The following AUTS2 variants were observed in gnomAD, a reference collection of about 807,000 sequenced individuals.
AUTS2 encodes the protein activator of transcription and developmental regulator AUTS2.
In AUTS2, 17 loss-of-function variants were observed where a neutral mutation model predicts 112.4. The ratio of observed to expected loss-of-function variants is 0.15; its 90% confidence interval spans 0.10 to 0.23. The LOEUF (loss-of-function observed/expected upper bound fraction) is 0.23, where lower values mean the gene tolerates loss of function less well. Among genes scored for constraint, AUTS2 ranks in the 10% least tolerant of loss-of-function variants. The pLI is 1.00. For missense variants in AUTS2, 1,510 were observed against 1,701.6 expected (o/e 0.89, Z 1.98); for synonymous variants, 751 against 702.7 (o/e 1.07, Z -1.09).
intron 1 of AUTS2, among the ~76,000 whole-genome samples, chr7:69,659,464 T>C (rs544855616): frequency 6.6e-6 from 1 of 152,006 alleles, no homozygotes; most frequent in East Asian, 1.9e-4. Flanking sequence ...TTTTTTTTTT[T>C]TTTCAAAACG....
intron 5 of AUTS2, among the ~76,000 whole-genome samples, chr7:70,524,736 A>C (rs1378902043): frequency 6.6e-6 from 1 of 152,180 alleles, no homozygotes; most frequent in African/African-American, 2.4e-5. Flanking sequence ...TAATCCCCTG[A>C]AGTCCCTTTA....
At chr7:70,357,639 C>T (rs542874526) in intron 4 of AUTS2, among the ~76,000 whole-genome samples, 4 of 152,282 alleles carry the variant, frequency 2.6e-5, no homozygotes, top group East Asian at 1.9e-4. Context: ...TACCTGTAAA[C>T]GCACGGCCTT....
intron 4 of AUTS2, among the ~76,000 whole-genome samples, chr7:70,223,550 TATA>T (rs1186029760): frequency 6.6e-6 from 1 of 152,270 alleles, no homozygotes; most frequent in Admixed American, 6.5e-5. Flanking sequence ...ATATACGGTA[TATA>T]ATACTTGATA....
At chr7:69,615,819 C>T (rs1793342828) in intron 1 of AUTS2, among the ~76,000 whole-genome samples, 1 of 152,214 alleles carries the variant, frequency 6.6e-6, no homozygotes, top group Non-Finnish European at 1.5e-5. Context: ...TTTGTCATTA[C>T]TTCCATCTTC....
At chr7:70,549,363 T>C (rs1800925902) in intron 5 of AUTS2, among the ~76,000 whole-genome samples, 1 of 152,200 alleles carries the variant, frequency 6.6e-6, no homozygotes, top group Non-Finnish European at 1.5e-5. Context: ...TTTCTTTTTC[T>C]TGCCTGATAC....
intron 1 of AUTS2, among the ~76,000 whole-genome samples, chr7:69,811,160 A>T (rs1156990879): frequency 6.6e-6 from 1 of 152,128 alleles, no homozygotes; most frequent in East Asian, 1.9e-4. Context: ...ACCTTCATAA[A>T]AGAGGAATCT....
intron 2 of AUTS2, among the ~76,000 whole-genome samples, chr7:70,091,723 CT>C (rs1385227339): frequency 1.3e-5 from 2 of 152,096 alleles, no homozygotes; most frequent in African/African-American, 2.4e-5. Flanking sequence ...AATGGTGGCC[CT>C]TCTGGGTCCT....
chr7:69,784,074 GC>G (rs1339564595), intron 1 of AUTS2, among the ~76,000 whole-genome samples: 3 of 152,152 alleles, frequency 2.0e-5, no homozygotes, highest in Non-Finnish European at 2.9e-5. Context: ...AGGGTGAGTA[GC>G]CATTAAACTA....
At chr7:69,998,483 G>A (rs1011347126) in intron 2 of AUTS2, among the ~76,000 whole-genome samples, 12 of 152,174 alleles carry the variant, frequency 7.9e-5, no homozygotes, top group Non-Finnish European at 1.3e-4. Flanking sequence ...TCATGTATCT[G>A]AGCAAGTTGC....
At chr7:70,014,532 A>G (rs1799944254) in intron 2 of AUTS2, among the ~76,000 whole-genome samples, 1 of 152,178 alleles carries the variant, frequency 6.6e-6, no homozygotes, top group Non-Finnish European at 1.5e-5. Context: ...TTCAATGTTA[A>G]TGTCTAGTTT....
chr7:69,997,773 C>T (rs1309467283), intron 2 of AUTS2, among the ~76,000 whole-genome samples: 1 of 152,140 alleles, frequency 6.6e-6, no homozygotes, highest in African/African-American at 2.4e-5. Context: ...GGCCCAAACA[C>T]CTCCCTATGC....
At chr7:70,384,981 C>A (rs1793543088) in intron 4 of AUTS2, among the ~76,000 whole-genome samples, 1 of 152,188 alleles carries the variant, frequency 6.6e-6, no homozygotes, top group Non-Finnish European at 1.5e-5. Flanking sequence ...AAGTCTGGCA[C>A]AGCCCTGGTC....
chr7:70,735,896 G>T (rs934220790), intron 6 of AUTS2, among the ~76,000 whole-genome samples: 1 of 152,164 alleles, frequency 6.6e-6, no homozygotes, highest in Non-Finnish European at 1.5e-5. Context: ...GCTAGGTATT[G>T]AAGTTTATCC....
rs770950967 is a variant in AUTS2, at chr7:70,652,316, G to A, written c.691-46253G>A. Reference sequence around the variant, plus strand: ...GCCTTCCTTCTTCTCTATTTGATTCGTCCTACTTAACACCAGCAAAAGTAC... The same window carrying A: ...GCCTTCCTTCTTCTCTATTTGATTCATCCTACTTAACACCAGCAAAAGTAC... On this transcript the variant is annotated intron_variant, in intron 5 of 18. Transcript: ENST00000342771. Among the ~76,000 whole-genome samples the A allele has an allele frequency of 3.6e-4, 55 of 151,572 alleles. 1 individual carries two copies. The highest frequency in any genetic ancestry group is 5.2e-4 in the Non-Finnish European group (35 of 67,952).
chr7:70,745,920 A>T (rs1001567124), intron 6 of AUTS2, among the ~76,000 whole-genome samples: 1 of 152,192 alleles, frequency 6.6e-6, no homozygotes. Flanking sequence ...GTAATTGTTT[A>T]TTGAGTATTT....
At chr7:70,142,061 C>T (rs1247365729) in intron 4 of AUTS2, among the ~76,000 whole-genome samples, 9 of 152,274 alleles carry the variant, frequency 5.9e-5, no homozygotes, top group Admixed American at 3.9e-4. Context: ...CTTTCATTTT[C>T]TCAACATTTA....
chr7:69,842,386 T>C (rs1792019714), intron 1 of AUTS2, among the ~76,000 whole-genome samples: 2 of 152,212 alleles, frequency 1.3e-5, no homozygotes, highest in Admixed American at 1.3e-4. Context: ...ACATTGTGTG[T>C]TGACGCTTTT....
At chr7:69,842,475 G>A (rs1475360590) in intron 1 of AUTS2, among the ~76,000 whole-genome samples, 1 of 152,204 alleles carries the variant, frequency 6.6e-6, no homozygotes, top group African/African-American at 2.4e-5. Context: ...GAAGTCTCCT[G>A]TAGCTTATTC....
At chr7:70,192,273 G>A (rs546256235) in intron 4 of AUTS2, among the ~76,000 whole-genome samples, 1 of 152,000 alleles carries the variant, frequency 6.6e-6, no homozygotes, top group African/African-American at 2.4e-5. Flanking sequence ...TTTATTGATT[G>A]TACTTTTGCC....
Sources: allele counts gnomAD v4.1 joint callset (sites outside exome capture counted in the v4.1 genomes callset), GRCh38; gene constraint gnomAD v4.1.1; transcripts MANE v1.5; gene names NCBI Gene and HGNC (gene_info 2026-07-23, HGNC 2026-07-21).